Variants in ARFGEF1 observed in about 807,000 individuals in gnomAD.
The protein encoded by ARFGEF1 is brefeldin A-inhibited guanine nucleotide-exchange protein 1.
Under a neutral mutation model 231.0 loss-of-function variants are expected in ARFGEF1, and 42 were observed. The ratio of observed to expected loss-of-function variants is 0.18; its 90% CI spans 0.14 to 0.24. The LOEUF is 0.24. ARFGEF1 is among the 10% of genes least tolerant of loss of function. The probability of loss-of-function intolerance (pLI) is 1.00; values close to 1 mark genes in which losing one functional copy is unlikely to be tolerated. For missense variants in ARFGEF1, 1,345 were observed against 2,192.0 expected, an observed-to-expected ratio of 0.61 and a Z score of 7.72; for synonymous variants, 710 against 732.3, an observed-to-expected ratio of 0.97 and a Z score of 0.49.
chr8:67,234,448 G>A (rs1046662215), intron 22 of ARFGEF1, among the ~76,000 whole-genome samples: 1 of 152,100 alleles, frequency 6.6e-6, no homozygotes, highest in Non-Finnish European at 1.5e-5. Context: ...GGACCTAGAA[G>A]GGTAACTATG....
intron 1 of ARFGEF1, among the ~76,000 whole-genome samples, chr8:67,311,091 G>A (rs1333450998): frequency 4.2e-5 from 6 of 143,356 alleles, no homozygotes; most frequent in South Asian, 4.5e-4. Flanking sequence ...CCGGCCAGCC[G>A]CCCCGTCCGG....
At position 67,227,337 on chromosome 8, in the gene ARFGEF1, T is replaced by C. The variant is rs199987635; in HGVS notation, c.3744-28A>G. 5.6e-6 allele frequency: 9 copies of C among 1,603,570 alleles called. No individual in the cohort carries two copies. The African/African-American group carries it at 9.4e-5, about 17-fold the overall frequency. ...AAAAATATTAATATAATTGCTTGGA[T>C]ATGCAAACCGATAAAACTCATCAGT... is the stretch of plus-strand genomic sequence containing the variant. On this transcript the variant is annotated intron_variant, in intron 26 of 38. Transcript: ENST00000262215.
chr8:67,256,587 C>T (rs549680151), intron 17 of ARFGEF1, among the ~76,000 whole-genome samples: 28 of 152,176 alleles, frequency 1.8e-4, no homozygotes, highest in African/African-American at 6.5e-4. Context: ...TATTTTACAA[C>T]CTAAGCATAA....
At chr8:67,248,720 T>C (rs1264684609) in intron 19 of ARFGEF1, among the ~76,000 whole-genome samples, 1 of 150,500 alleles carries the variant, frequency 6.6e-6, no homozygotes, top group Admixed American at 6.6e-5. Context: ...GTGGTTCTCA[T>C]TGTGCAGCTC....
chr8:67,330,597 CTAA>C (rs1282695630), intron 1 of ARFGEF1, among the ~76,000 whole-genome samples: 6 of 152,114 alleles, frequency 3.9e-5, no homozygotes, highest in African/African-American at 9.7e-5. Context: ...AATTTTTTCT[CTAA>C]TAATTGTAAA....
chr8:67,256,287 C>A (rs1039455597), intron 17 of ARFGEF1, among the ~76,000 whole-genome samples: 4 of 152,206 alleles, frequency 2.6e-5, no homozygotes, highest in African/African-American at 9.6e-5. Context: ...TTATTAAATT[C>A]TTTAATAAAT....
intron 33 of ARFGEF1, among the ~76,000 whole-genome samples, chr8:67,212,669 C>T (rs1838790700): frequency 6.6e-6 from 1 of 152,278 alleles, no homozygotes; most frequent in African/African-American, 2.4e-5. Context: ...CAGTCCCAGC[C>T]TGAGCAACCT....
rs1808758952 is a variant in ARFGEF1, at chr8:67,343,480, G to A, written c.-193C>T. Reference sequence around the variant, plus strand: ...AGCCGCGGTGTCGGCGAAGGGCGTCGAGGTCCTCGCCGCCCCCAAGAAGCC... The same window carrying A: ...AGCCGCGGTGTCGGCGAAGGGCGTCAAGGTCCTCGCCGCCCCCAAGAAGCC... On this transcript the variant is annotated 5_prime_UTR_variant, in exon 1 of 39. Transcript: ENST00000262215. 7.7e-7 allele frequency: 1 copy of A among 1,302,104 alleles called. No homozygotes were observed. The highest frequency in any genetic ancestry group is 3.4e-5 in the Admixed American group (1 of 29,756). The allele number at this position is 1,302,104 out of a possible 1,614,324, so 80.7% of individuals were successfully genotyped here. A position where few individuals can be genotyped will look rare whatever the true frequency, so the allele number is the denominator to read the frequency against.
Position 67,263,056 on chromosome 8 carries a change from C to T in ARFGEF1, c.2123+2950G>A, listed in dbSNP as rs188099504. The stretch of plus-strand genomic sequence containing the variant: ...CCAAATTAATTAGACCACACAAAAC[C>T]TTTCTCAATACAGCTCCAGATTCTC... On this transcript the variant is annotated intron_variant, in intron 14 of 38. Transcript: ENST00000262215. Among the ~76,000 whole-genome samples, 430 of 152,244 alleles carry T rather than the reference C, an allele frequency of 2.8e-3. 2 individuals are homozygous for T. Among genetic ancestry groups the T allele is most frequent in the Non-Finnish European group, 3.5e-3 (239 of 68,014 alleles).
intron 3 of ARFGEF1, 60 bp downstream of exon 3, chr8:67,301,164 T>A: frequency 7.1e-7 from 1 of 1,416,092 alleles, no homozygotes; most frequent in Non-Finnish European, 9.5e-7. Flanking sequence ...TCAATGTGAG[T>A]AATGTTTTAG....
At chr8:67,303,306 C>G (rs764125844) in intron 1 of ARFGEF1, among the ~76,000 whole-genome samples, 6 of 152,196 alleles carry the variant, frequency 3.9e-5, no homozygotes, top group Non-Finnish European at 8.8e-5. Context: ...TATGACTATA[C>G]AAGGCCCTAT....
chr8:67,206,873 A>G (rs570134942), intron 34 of ARFGEF1, among the ~76,000 whole-genome samples: 17 of 152,232 alleles, frequency 1.1e-4, no homozygotes, highest in Admixed American at 4.6e-4. Flanking sequence ...TCTTTCTACT[A>G]TGAAAAACAT....
chr8:67,331,909 C>T (rs759463750), intron 1 of ARFGEF1, among the ~76,000 whole-genome samples: 7 of 152,112 alleles, frequency 4.6e-5, no homozygotes, highest in Non-Finnish European at 8.8e-5. Flanking sequence ...AATGACCACA[C>T]TCTAATCCAA....
At chr8:67,316,209 C>T in intron 1 of ARFGEF1, among the ~76,000 whole-genome samples, 1 of 152,058 alleles carries the variant, frequency 6.6e-6, no homozygotes. Context: ...CACAAGCTAC[C>T]ACAATTCTTC....
chr8:67,201,094 T>C (rs1838310872), intron 37 of ARFGEF1, among the ~76,000 whole-genome samples: 3 of 152,086 alleles, frequency 2.0e-5, no homozygotes, highest in Admixed American at 2.0e-4. Flanking sequence ...AGTAAAAGAG[T>C]AAAAAAAGTA....
At position 67,201,851 on chromosome 8, in the gene ARFGEF1, A is replaced by C. The variant is rs1838340830; in HGVS notation, c.5129-246T>G. On this transcript the variant is annotated intron_variant, in intron 36 of 38. Coordinates refer to ENST00000262215, the MANE Select transcript of ARFGEF1 (RefSeq NM_006421.5). ...GGTGGAACCCTTCACATGAAACTGC[A>C]CTTGAATCCCCAAAGCTGTGGAAGG... is the stretch of plus-strand genomic sequence containing the variant. 11 of 433,858 alleles carry C rather than the reference A, an allele frequency of 2.5e-5. No individual in the cohort carries two copies. In the South Asian group the frequency reaches 2.6e-4, roughly 10 times the overall value. 26.9% of individuals were successfully genotyped at this position (433,858 alleles called of 1,614,324 possible).
intron 1 of ARFGEF1, among the ~76,000 whole-genome samples, chr8:67,342,453 C>G (rs1249515206): frequency 6.6e-6 from 1 of 152,150 alleles, no homozygotes; most frequent in East Asian, 1.9e-4. Flanking sequence ...TTCCTCATTT[C>G]AAACCCTCCC....
At chr8:67,186,289 A>G (rs1021455714) in intron 5 of ARFGEF1, among the ~76,000 whole-genome samples, 12 of 151,928 alleles carry the variant, frequency 7.9e-5, no homozygotes, top group East Asian at 1.9e-4. Flanking sequence ...TAAAGATGCA[A>G]CTCCACCCTT....
chr8:67,264,745 G>T (rs1246573136), intron 14 of ARFGEF1, among the ~76,000 whole-genome samples: 1 of 152,150 alleles, frequency 6.6e-6, no homozygotes, highest in Non-Finnish European at 1.5e-5. Flanking sequence ...GCTGCTGAGA[G>T]AAGGACTGGG....
Sources: allele counts gnomAD v4.1 joint callset (sites outside exome capture counted in the v4.1 genomes callset), GRCh38; gene constraint gnomAD v4.1.1; transcripts MANE v1.5; gene names NCBI Gene and HGNC (gene_info 2026-07-23, HGNC 2026-07-21).